The following TSPAN9 variants were observed in gnomAD, a reference collection of about 807,000 sequenced individuals.
TSPAN9 encodes tetraspanin 9, also known as tetraspanin-9.
Under a neutral mutation model 31.0 loss-of-function variants are expected in TSPAN9, and 16 were observed. The observed-to-expected ratio is 0.52, with a 90% confidence interval of 0.35 to 0.78. The LOEUF (loss-of-function observed/expected upper bound fraction) is 0.78. Ranked by LOEUF, TSPAN9 falls within the 30% of genes least tolerant of loss-of-function variation. The pLI is 0.01. For synonymous variants in TSPAN9, 145 were observed against 121.6 expected, an observed-to-expected ratio of 1.19 and a Z score of -1.27; for missense variants, 272 against 312.5, an observed-to-expected ratio of 0.87 and a Z score of 0.98.
chr12:3,233,881 C>T (rs1224774735), intron 3 of TSPAN9, among the ~76,000 whole-genome samples: 2 of 152,162 alleles, frequency 1.3e-5, no homozygotes, highest in Non-Finnish European at 2.9e-5. Flanking sequence ...GTGTGTCTGT[C>T]CTAGCCTGAG....
chr12:3,242,276 A>G (rs2153977244), intron 3 of TSPAN9, among the ~76,000 whole-genome samples: 1 of 152,346 alleles, frequency 6.6e-6, no homozygotes, highest in East Asian at 1.9e-4. Flanking sequence ...GGCCCTTGCC[A>G]GCAGCCTGGG....
At chr12:3,156,707 C>T (rs966798189) in intron 2 of TSPAN9, among the ~76,000 whole-genome samples, 13 of 151,968 alleles carry the variant, frequency 8.6e-5, no homozygotes, top group Admixed American at 5.2e-4. Flanking sequence ...GGGGTTTCAC[C>T]ATGTTGGCTA....
Position 3,280,609 on chromosome 12 carries a change from G to A in TSPAN9, c.432+126G>A, listed in dbSNP as rs562416658. On this transcript the variant is annotated intron_variant, in intron 6 of 8. Transcript: ENST00000011898. The surrounding 1 kb of genome is among the most constrained non-coding windows in gnomAD (Gnocchi z 4.5). ...TCTGGATTTTAGCCGGGAGTGGAGT[G>A]GTACCCACGGGGGCATTTGCCTGAA... The A allele has an allele frequency of 7.2e-6, 6 of 828,772 alleles. No individual in the cohort carries two copies. Among genetic ancestry groups the A allele is most frequent in the African/African-American group, 6.8e-5 (4 of 58,712 alleles). The allele number at this position is 828,772 out of a possible 1,614,324, so 51.3% of individuals were successfully genotyped here. A position where few individuals can be genotyped will look rare whatever the true frequency, so the allele number is the denominator to read the frequency against.
intron 2 of TSPAN9, chr12:3,200,882 T>G: frequency 3.3e-6 from 1 of 304,986 alleles, no homozygotes; most frequent in Non-Finnish European, 6.0e-6. Context: ...CTGGGAGCGA[T>G]GCCCCCCGCT....
At chr12:3,226,742 GTGTATATATATATATATATATATATATA>G (rs1475607847) in intron 3 of TSPAN9, among the ~76,000 whole-genome samples, 98 of 3,296 alleles carry the variant, frequency 0.03, 5 homozygotes, top group East Asian at 0.081. Flanking sequence ...GTGTGTGTGT[GTGTATATATATATATATATATATATATA>G]TATATATATA....
chr12:3,134,403 T>C (rs1317482083), intron 2 of TSPAN9, among the ~76,000 whole-genome samples: 1 of 152,190 alleles, frequency 6.6e-6, no homozygotes, highest in African/African-American at 2.4e-5. Flanking sequence ...ATTGTATAAA[T>C]GGGGAACTTT....
At chr12:3,258,009 C>G (rs78917540) in intron 3 of TSPAN9, among the ~76,000 whole-genome samples, 5,114 of 152,246 alleles carry the variant, frequency 0.034, 292 homozygotes, top group African/African-American at 0.12. Flanking sequence ...GTAAGATGTT[C>G]ACAATGGGGC....
At chr12:3,255,924 A>G (rs1182615317) in intron 3 of TSPAN9, among the ~76,000 whole-genome samples, 1 of 152,206 alleles carries the variant, frequency 6.6e-6, no homozygotes, top group Non-Finnish European at 1.5e-5. Context: ...AGGTCCCAGT[A>G]ATCAGGATGT....
At chr12:3,129,361 A>G (rs777609124) in intron 2 of TSPAN9, among the ~76,000 whole-genome samples, 12 of 152,184 alleles carry the variant, frequency 7.9e-5, no homozygotes, top group Non-Finnish European at 1.6e-4. Context: ...TAGTTTTTCT[A>G]TGCATTGGAT....
chr12:3,252,901 G>A (rs1029975241), intron 3 of TSPAN9, among the ~76,000 whole-genome samples: 2 of 152,168 alleles, frequency 1.3e-5, no homozygotes, highest in African/African-American at 4.8e-5. Context: ...GGGAAATGGG[G>A]CTATTTCAGG....
At chr12:3,105,756 ACG>A (rs1491010004) in intron 2 of TSPAN9, among the ~76,000 whole-genome samples, 1 of 94,260 alleles carries the variant, frequency 1.1e-5, no homozygotes, top group African/African-American at 2.9e-5. Context: ...ACTCACACAC[ACG>A]CACACACGCG....
chr12:3,147,184 C>T lies in TSPAN9; in HGVS notation c.-17-53993C>T, dbSNP rs920687304. On this transcript the variant is annotated intron_variant, in intron 2 of 8. Transcript: ENST00000011898. The surrounding 1 kb of genome is among the most constrained non-coding windows in gnomAD (Gnocchi z 4.3). The stretch of plus-strand genomic sequence containing the variant: ...GACTGGAAGCAGGGGAGCCCTGGCC[C>T]TCTGCAGGTCACGCTCCAGCCTGGA... Among the ~76,000 whole-genome samples the T allele has an allele frequency of 2.0e-5, 3 of 152,112 alleles. No homozygotes were observed. Among genetic ancestry groups the T allele is most frequent in the Non-Finnish European group, 2.9e-5 (2 of 68,016 alleles).
intron 2 of TSPAN9, among the ~76,000 whole-genome samples, chr12:3,097,300 T>C (rs2098309617): frequency 6.6e-6 from 1 of 152,154 alleles, no homozygotes; most frequent in Non-Finnish European, 1.5e-5. Flanking sequence ...GAGGAAAACA[T>C]GCGCCCAAAA....
At chr12:3,173,871 T>C (rs1358744910) in intron 2 of TSPAN9, 1 of 152,244 alleles carries the variant, frequency 6.6e-6, no homozygotes, top group African/African-American at 2.4e-5. Context: ...AATTATAAGC[T>C]GCTTGAAAAC....
intron 3 of TSPAN9, among the ~76,000 whole-genome samples, chr12:3,271,328 C>A (rs146164556): frequency 3.9e-5 from 6 of 152,176 alleles, no homozygotes; most frequent in Admixed American, 1.3e-4. Context: ...GCCAATGGGG[C>A]CTTAGGCTGA....
At chr12:3,226,738 GTGTGTGTATA>G (rs1222055785) in intron 3 of TSPAN9, among the ~76,000 whole-genome samples, 4 of 10,590 alleles carry the variant, frequency 3.8e-4, no homozygotes, top group African/African-American at 3.1e-4. Context: ...GTGTGTGTGT[GTGTGTGTATA>G]TATATATATA....
At chr12:3,269,764 G>C (rs962448569) in intron 3 of TSPAN9, among the ~76,000 whole-genome samples, 1 of 152,206 alleles carries the variant, frequency 6.6e-6, no homozygotes, top group East Asian at 1.9e-4. Context: ...AGTCACAAGC[G>C]CTCCCTGTGT....
rs1276363552 is a variant in TSPAN9 at position 3,201,080 on chromosome 12, C to T, written c.-17-97C>T. On this transcript the variant is annotated intron_variant, in intron 2 of 8. Coordinates refer to ENST00000011898, the MANE Select transcript of TSPAN9 (RefSeq NM_006675.5). ...CACCGCGGGCTCCCGGGGCCAGAGC[C>T]GCGCCGAGGCCGGCGTTAAGACCGA... is the stretch of plus-strand genomic sequence containing the variant. The T allele has an allele frequency of 1.4e-5, 17 of 1,203,290 alleles. No individual in the cohort carries two copies. In the South Asian group the frequency reaches 1.8e-4, roughly 12 times the overall value. The allele number at this position is 1,203,290 out of a possible 1,614,324, so 74.5% of individuals were successfully genotyped here. A position where few individuals can be genotyped will look rare whatever the true frequency, so the allele number is the denominator to read the frequency against.
chr12:3,094,861 T>C (rs1337235132), intron 2 of TSPAN9, among the ~76,000 whole-genome samples: 1 of 132,338 alleles, frequency 7.6e-6, no homozygotes, highest in Non-Finnish European at 1.7e-5. Context: ...TTTTTTTTTT[T>C]TTTTTTTTGT....
Sources: gnomAD v4.1 joint callset for allele counts (sites outside exome capture counted in the v4.1 genomes callset) on GRCh38, gnomAD v4.1.1 for gene constraint, Gnocchi (gnomAD v3.1) non-coding constraint, MANE v1.5 for transcripts, NCBI Gene and HGNC (gene_info 2026-07-23, HGNC 2026-07-21) for gene names.